SAMD4A: variants seen among roughly 807,000 people sequenced by gnomAD.
SAMD4A encodes protein Smaug homolog 1.
A neutral mutation model predicts 81.3 loss-of-function variants in SAMD4A; 33 were observed. The observed-to-expected ratio is 0.41, with a 90% CI of 0.31 to 0.54. The LOEUF (loss-of-function observed/expected upper bound fraction) is 0.54, where lower values mean the gene tolerates loss of function less well. Among genes scored for constraint, SAMD4A ranks in the 20% least tolerant of loss-of-function variants. The pLI is 0.37. For synonymous variants in SAMD4A, 389 were observed against 382.1 expected (o/e 1.02, Z -0.21); for missense variants, 854 against 951.1 (o/e 0.90, Z 1.34).
chr14:54,758,032 G>A (rs2038292037), intron 6 of SAMD4A, among the ~76,000 whole-genome samples: 1 of 152,208 alleles, frequency 6.6e-6, no homozygotes, highest in South Asian at 2.1e-4. Flanking sequence ...GGAGTGATCA[G>A]GATCACGCCT....
intron 2 of SAMD4A, among the ~76,000 whole-genome samples, chr14:54,647,231 T>C (rs541131420): frequency 6.6e-6 from 1 of 152,352 alleles, no homozygotes; most frequent in East Asian, 1.9e-4. Flanking sequence ...TAATGAGTGG[T>C]CATTATGAAC....
intron 2 of SAMD4A, among the ~76,000 whole-genome samples, chr14:54,605,822 C>A (rs1243204485): frequency 2.6e-5 from 4 of 151,626 alleles, no homozygotes; most frequent in African/African-American, 4.8e-5. Flanking sequence ...TATATATAAA[C>A]ATGCCCATAT....
At chr14:54,653,475 G>T (rs1267421724) in intron 2 of SAMD4A, among the ~76,000 whole-genome samples, 1 of 151,768 alleles carries the variant, frequency 6.6e-6, no homozygotes. Context: ...GAGTAGCTGG[G>T]ATTACAGGTG....
chr14:54,731,093 A>G (rs1488711215), intron 3 of SAMD4A, among the ~76,000 whole-genome samples: 1 of 152,244 alleles, frequency 6.6e-6, no homozygotes, highest in East Asian at 1.9e-4. Context: ...TTTGTGGGAT[A>G]GAAACTGGAA....
At chr14:54,634,428 G>A (rs965148363) in intron 2 of SAMD4A, among the ~76,000 whole-genome samples, 1 of 152,064 alleles carries the variant, frequency 6.6e-6, no homozygotes. Flanking sequence ...CACCTTTTTG[G>A]CACCAGGGAC....
At chr14:54,743,096 C>A (rs773877486) in intron 4 of SAMD4A, among the ~76,000 whole-genome samples, 2 of 152,072 alleles carry the variant, frequency 1.3e-5, no homozygotes, top group Non-Finnish European at 2.9e-5. Context: ...TGTCAGAAAC[C>A]TTTGTAAGAA....
chr14:54,618,071 T>C (rs11848610), intron 2 of SAMD4A, among the ~76,000 whole-genome samples: 58,036 of 152,044 alleles, frequency 0.38, 11,355 homozygotes, highest in Middle Eastern at 0.46. Context: ...AAATTATCAA[T>C]ATTTTGGTGA....
intron 3 of SAMD4A, among the ~76,000 whole-genome samples, chr14:54,708,565 C>T (rs2036912957): frequency 6.6e-6 from 1 of 152,124 alleles, no homozygotes; most frequent in Non-Finnish European, 1.5e-5. Context: ...ATAAAGAAGG[C>T]CAAGGCCCCC....
chr14:54,697,918 T>C (rs895118722), intron 2 of SAMD4A, among the ~76,000 whole-genome samples: 5 of 152,194 alleles, frequency 3.3e-5, no homozygotes, highest in Non-Finnish European at 5.9e-5. Flanking sequence ...GACCTCCCCA[T>C]TGGGTTGCTT....
chr14:54,760,289 G>A lies in SAMD4A; in HGVS notation c.1305G>A (p.Pro435=), dbSNP rs375153543. 5.0e-5 allele frequency: 80 copies of A among 1,611,744 alleles called. 1 individual carries two copies. Among genetic ancestry groups the A allele is most frequent in the Middle Eastern group, 3.3e-4 (2 of 6,080 alleles). The part of the protein sequence containing the change: ...PEARRREPQA[P]RQPSLMGPES... ...CTCGCCGCCGGGAGCCCCAGGCCCC[G>A]CGTCAGCCCTCACTGATGGGCCCCG... is the stretch of plus-strand genomic sequence containing the variant. The change falls in exon 7 of 13, where the codon CCG becomes CCA. Residue 435 remains proline, a synonymous_variant. Transcript: ENST00000554335.
At chr14:54,727,150 C>T (rs1290034235) in intron 3 of SAMD4A, among the ~76,000 whole-genome samples, 1 of 135,066 alleles carries the variant, frequency 7.4e-6, no homozygotes, top group East Asian at 2.2e-4. Context: ...CTTATCACAA[C>T]AGCCTTCTTT....
intron 9 of SAMD4A, among the ~76,000 whole-genome samples, chr14:54,772,839 C>T (rs1054015876): frequency 6.8e-6 from 1 of 146,204 alleles, no homozygotes; most frequent in East Asian, 2.0e-4. Context: ...AAAAAAAAAA[C>T]ACTCGGCCCT....
intron 2 of SAMD4A, among the ~76,000 whole-genome samples, chr14:54,622,174 A>G (rs1324505123): frequency 6.6e-6 from 1 of 152,188 alleles, no homozygotes; most frequent in African/African-American, 2.4e-5. Context: ...CTTTATATTA[A>G]TGTTATATTT....
intron 4 of SAMD4A, among the ~76,000 whole-genome samples, chr14:54,745,270 A>T (rs1046280013): frequency 6.6e-6 from 1 of 152,178 alleles, no homozygotes; most frequent in African/African-American, 2.4e-5. Context: ...TCAGCATTGC[A>T]TATCTCAGCC....
rs763459461 is a variant in SAMD4A, at chr14:54,760,247, G to A, written c.1263G>A (p.Pro421=). 2.9e-5 allele frequency: 46 copies of A among 1,613,176 alleles called. No homozygotes were observed. Among genetic ancestry groups the A allele is most frequent in the Non-Finnish European group, 3.7e-5 (44 of 1,179,870 alleles). ...CTCCGATCAAGGCCTACAGCTCCCCGAGCACCACCCCCGAGGCTCGCCGCC... is the reference window on the plus strand; with the variant it reads ...CTCCGATCAAGGCCTACAGCTCCCCAAGCACCACCCCCGAGGCTCGCCGCC... ...ILTPIKAYSS[P]STTPEARRRE... is the part of the protein sequence containing the mutation. The change falls in exon 7 of 13, where the codon CCG becomes CCA. Residue 421 remains proline, a synonymous_variant. Coordinates refer to ENST00000554335, the MANE Select transcript of SAMD4A (RefSeq NM_015589.6).
intron 2 of SAMD4A, chr14:54,652,657 TAA>T (rs2035429604): frequency 2.0e-5 from 3 of 152,214 alleles, no homozygotes; most frequent in Admixed American, 6.5e-5. Flanking sequence ...TTTTTTTTTT[TAA>T]AGGTTACAGA....
At chr14:54,663,927 C>T (rs984102819) in intron 2 of SAMD4A, among the ~76,000 whole-genome samples, 51 of 152,192 alleles carry the variant, frequency 3.4e-4, no homozygotes, top group African/African-American at 1.2e-3. Flanking sequence ...GCTCCCAAAC[C>T]TAAGTATGCC....
chr14:54,774,181 C>T lies in SAMD4A; in HGVS notation c.1716-753C>T, dbSNP rs2038776691. Among the ~76,000 whole-genome samples the T allele has an allele frequency of 2.0e-5, 3 of 152,350 alleles. No homozygotes were observed. The South Asian group carries it at 6.2e-4, about 32-fold the overall frequency. On this transcript the variant is annotated intron_variant, in intron 9 of 12. Transcript: ENST00000554335. The stretch of plus-strand genomic sequence containing the variant: ...TGGTGAACCTGCTGAGCCTGCGTGC[C>T]AGCGCTGCCCCCTGCTGGCTGTGTG...
At chr14:54,758,105 A>T (rs1163442745) in intron 6 of SAMD4A, among the ~76,000 whole-genome samples, 1 of 152,198 alleles carries the variant, frequency 6.6e-6, no homozygotes, top group Non-Finnish European at 1.5e-5. Flanking sequence ...CTCTCCTAAG[A>T]GAAAAAGGGA....
Sources: gnomAD v4.1 joint callset for allele counts (sites outside exome capture counted in the v4.1 genomes callset) on GRCh38, gnomAD v4.1.1 for gene constraint, MANE v1.5 for transcripts, NCBI Gene and HGNC (gene_info 2026-07-23, HGNC 2026-07-21) for gene names.